The following COL28A1 variants were observed in gnomAD, a reference collection of about 807,000 sequenced individuals.
COL28A1 encodes the protein collagen alpha-1(XXVIII) chain.
Under a neutral mutation model 150.2 loss-of-function variants are expected in COL28A1, and 161 were observed. That is an observed-to-expected ratio of 1.07 (90% confidence interval 0.94 to 1.22). The LOEUF is 1.22. Among genes scored for constraint, COL28A1 ranks in the 50% most tolerant of loss-of-function variants. COL28A1 has a pLI of 0.00. For missense variants in COL28A1, 1,617 were observed against 1,388.3 expected (o/e 1.16, Z -2.62); for synonymous variants, 552 against 469.7 (o/e 1.18, Z -2.26).
At chr7:7,365,414 G>A (rs943939718) in intron 33 of COL28A1, among the ~76,000 whole-genome samples, 2 of 152,128 alleles carry the variant, frequency 1.3e-5, no homozygotes, top group Non-Finnish European at 2.9e-5. Flanking sequence ...CCTGAGAGCC[G>A]ACACCTGGAG....
chr7:7,348,378 G>C, the COL28A1 span, among the ~76,000 whole-genome samples: 1 of 152,000 alleles, frequency 6.6e-6, no homozygotes, highest in African/African-American at 2.4e-5. Flanking sequence ...CACCAAAGGA[G>C]ACACATTTAC....
chr7:7,493,654 A>T (rs1394068429), intron 11 of COL28A1, among the ~76,000 whole-genome samples: 1 of 152,132 alleles, frequency 6.6e-6, no homozygotes, highest in Non-Finnish European at 1.5e-5. Flanking sequence ...GCTCATGTTT[A>T]TTCCCTTCCC....
chr7:7,374,077 T>A (rs180891046), intron 31 of COL28A1, among the ~76,000 whole-genome samples: 1 of 140,936 alleles, frequency 7.1e-6, no homozygotes, highest in Non-Finnish European at 1.5e-5. Flanking sequence ...AAAAACACCG[T>A]AGTTGATAAA....
At chr7:7,456,473 A>C (rs979954267) in intron 15 of COL28A1, among the ~76,000 whole-genome samples, 4 of 152,230 alleles carry the variant, frequency 2.6e-5, no homozygotes, top group Non-Finnish European at 5.9e-5. Flanking sequence ...ATAAAAATAG[A>C]ATGAGAGATA....
chr7:7,524,121 A>C, intron 4 of COL28A1, 108 bp downstream of exon 4: 1 of 755,924 alleles, frequency 1.3e-6, no homozygotes, highest in Non-Finnish European at 2.3e-6. Flanking sequence ...TAAAAGAACT[A>C]AGCATTTTTA....
chr7:7,512,718 C>T (rs1227585336), intron 8 of COL28A1, among the ~76,000 whole-genome samples: 1 of 152,060 alleles, frequency 6.6e-6, no homozygotes, highest in Non-Finnish European at 1.5e-5. Flanking sequence ...TTATATATAT[C>T]GTTATTTTGA....
chr7:7,389,549 T>C (rs1782407454), intron 27 of COL28A1, among the ~76,000 whole-genome samples: 1 of 152,230 alleles, frequency 6.6e-6, no homozygotes. Context: ...CAATAGTAGC[T>C]TGATAGGGAT....
chr7:7,480,721 G>A (rs1442872481), intron 13 of COL28A1, among the ~76,000 whole-genome samples: 1 of 152,158 alleles, frequency 6.6e-6, no homozygotes, highest in African/African-American at 2.4e-5. Context: ...CAGGTAAACG[G>A]CATTGTGCTA....
chr7:7,475,259 A>T (rs1461279097), intron 14 of COL28A1, among the ~76,000 whole-genome samples: 1 of 152,186 alleles, frequency 6.6e-6, no homozygotes, highest in Non-Finnish European at 1.5e-5. Context: ...ATGCATTTTT[A>T]TGAAAAATAA....
chr7:7,415,686 A>G (rs1467398069), intron 27 of COL28A1, among the ~76,000 whole-genome samples: 1 of 152,110 alleles, frequency 6.6e-6, no homozygotes, highest in African/African-American at 2.4e-5. Context: ...GGTACGCACC[A>G]CCATGCCTGG....
At chr7:7,522,218 T>C (rs546765097) in intron 4 of COL28A1, 1 of 486,592 alleles carries the variant, frequency 2.1e-6, no homozygotes, top group East Asian at 3.9e-5. Flanking sequence ...CAAAATATTA[T>C]TAAATTTCAG....
chr7:7,537,437 A>G (rs1038416699), upstream of COL28A1, among the ~76,000 whole-genome samples: 1 of 152,208 alleles, frequency 6.6e-6, no homozygotes, highest in African/African-American at 2.4e-5. Flanking sequence ...GTTATAACAA[A>G]ATGACATTGA....
At chr7:7,389,787 G>C (rs527456776) in intron 27 of COL28A1, among the ~76,000 whole-genome samples, 1 of 152,186 alleles carries the variant, frequency 6.6e-6, no homozygotes, top group South Asian at 2.1e-4. Context: ...CTCATGATTT[G>C]GCTCTGTTTG....
chr7:7,352,572 T>G (rs974760961), downstream of COL28A1, among the ~76,000 whole-genome samples: 14 of 152,304 alleles, frequency 9.2e-5, no homozygotes, highest in African/African-American at 3.1e-4. Flanking sequence ...AACATGCTGT[T>G]GCTGGCTTTA....
chr7:7,442,666 G>A (rs368345290), intron 20 of COL28A1, among the ~76,000 whole-genome samples: 10 of 152,142 alleles, frequency 6.6e-5, no homozygotes, highest in African/African-American at 2.2e-4. Context: ...ACACTAATAT[G>A]TATACAAATT....
rs1216080426 is a variant in COL28A1 at position 7,517,804 on chromosome 7, C to T, written c.847G>A (p.Gly283Ser). ...TCCAGTTGTGTACATACCCCTGGAC[C>T]TCTTTCTCCAGCTTCTCCTTTTTGA... ...NAQKGEAGER[G>S]PGGIPGYKGD... Residue 283 changes from glycine (G) to serine (S), a missense_variant, in exon 7 of 35, where the codon GGT (glycine) becomes AGT (serine). Gly to Ser is a moderately conservative substitution (Grantham distance 56). Coordinates refer to ENST00000399429, the MANE Select transcript of COL28A1 (RefSeq NM_001037763.3). The T allele has an allele frequency of 6.2e-7, 1 of 1,613,744 alleles. No homozygotes were observed. The highest frequency in any genetic ancestry group is 1.7e-5 in the Admixed American group (1 of 59,996).
intron 25 of COL28A1, among the ~76,000 whole-genome samples, chr7:7,427,676 T>C (rs1329168967): frequency 1.3e-5 from 2 of 152,208 alleles, no homozygotes; most frequent in East Asian, 3.8e-4. Flanking sequence ...TGGCTATGGG[T>C]CACTTTTGTC....
chr7:7,363,294 G>A (rs1380872546), intron 33 of COL28A1, among the ~76,000 whole-genome samples: 1 of 152,024 alleles, frequency 6.6e-6, no homozygotes, highest in African/African-American at 2.4e-5. Context: ...GTCCTCAAAA[G>A]TTATATTTTA....
At position 7,463,060 on chromosome 7, in the gene COL28A1, T is replaced by C. The variant is rs142599691; in HGVS notation, c.1303-6948A>G. Among the ~76,000 whole-genome samples, 941 of 151,926 alleles carry C rather than the reference T, an allele frequency of 6.2e-3. 11 individuals carry two copies. Among genetic ancestry groups the C allele is most frequent in the African/African-American group, 0.022 (915 of 41,486 alleles). ...GTTAAATGGCCAAACCTAAGAATAA[T>C]TGGTGTTCCTGAGGAAGAAGAGAAA... is the stretch of plus-strand genomic sequence containing the variant. On this transcript the variant is annotated intron_variant, in intron 15 of 34. Transcript: ENST00000399429.
Sources: allele counts gnomAD v4.1 joint callset (sites outside exome capture counted in the v4.1 genomes callset), GRCh38; gene constraint gnomAD v4.1.1; transcripts MANE v1.5; gene names NCBI Gene and HGNC (gene_info 2026-07-23, HGNC 2026-07-21).